ITGA4: variants seen among roughly 807,000 people sequenced by gnomAD.
The protein encoded by ITGA4 is integrin subunit alpha 4, also known as integrin alpha-4.
ITGA4 carries 63 observed loss-of-function variants against 133.6 expected under a neutral mutation model. The ratio of observed to expected loss-of-function variants is 0.47; its 90% confidence interval spans 0.38 to 0.58. The LOEUF is 0.58. Ranked by LOEUF, ITGA4 falls within the 20% of genes least tolerant of loss-of-function variation. ITGA4 has a pLI of 0.00. For synonymous variants in ITGA4, 483 were observed against 438.0 expected (o/e 1.10, Z -1.28); for missense variants, 1,076 against 1,252.7 (o/e 0.86, Z 2.13).
chr2:181,468,332 C>T (rs1685469465), intron 2 of ITGA4, among the ~76,000 whole-genome samples: 1 of 152,180 alleles, frequency 6.6e-6, no homozygotes, highest in African/African-American at 2.4e-5. Context: ...GAAAAGACCT[C>T]TCCAAAGCTT....
chr2:181,538,229 A>C lies in ITGA4; in HGVS notation c.*2702A>C. On this transcript the variant is annotated 3_prime_UTR_variant, in exon 28 of 28. Transcript: ENST00000397033. ...CCATGCTTCCTCCATAAAGACTGAT[A>C]AGTCTTGGATGCAATCTGTAAAGAA... 2.5e-6 allele frequency: 4 copies of C among 1,584,928 alleles called. No homozygotes were observed. The highest frequency in any genetic ancestry group is 2.2e-5 in the East Asian group (1 of 44,710).
At chr2:181,505,403 A>G (rs1419038890) in intron 15 of ITGA4, among the ~76,000 whole-genome samples, 1 of 152,058 alleles carries the variant, frequency 6.6e-6, no homozygotes, top group African/African-American at 2.4e-5. Flanking sequence ...AAAGTCAAGC[A>G]AGAAGACAGA....
At chr2:181,513,371 A>G (rs1466396661) in intron 17 of ITGA4, among the ~76,000 whole-genome samples, 1 of 152,132 alleles carries the variant, frequency 6.6e-6, no homozygotes, top group African/African-American at 2.4e-5. Context: ...TGACATGGAC[A>G]TTAGAAAGTT....
intron 5 of ITGA4, chr2:181,479,480 G>C (rs1264806737): frequency 9.5e-6 from 1 of 105,420 alleles, no homozygotes; most frequent in African/African-American, 3.2e-5. Context: ...CAAAGAAAAT[G>C]CTTTCTTCAG....
At chr2:181,518,574 A>T (rs141435522) in intron 17 of ITGA4, among the ~76,000 whole-genome samples, 1 of 152,222 alleles carries the variant, frequency 6.6e-6, no homozygotes, top group Non-Finnish European at 1.5e-5. Flanking sequence ...GCTCTGTAGC[A>T]AGAGCCTGCA....
intron 10 of ITGA4, among the ~76,000 whole-genome samples, chr2:181,490,164 C>T (rs146509452): frequency 7.9e-5 from 12 of 152,170 alleles, no homozygotes; most frequent in Non-Finnish European, 4.4e-5. Flanking sequence ...CGGGGTCGAT[C>T]TATAACTACC....
At chr2:181,519,256 C>T (rs1686670598) in intron 17 of ITGA4, among the ~76,000 whole-genome samples, 1 of 151,770 alleles carries the variant, frequency 6.6e-6, no homozygotes, top group African/African-American at 2.4e-5. Context: ...AATACAAAAC[C>T]GAACAAAACC....
At chr2:181,504,920 G>A (rs1686362669) in intron 15 of ITGA4, among the ~76,000 whole-genome samples, 2 of 151,662 alleles carry the variant, frequency 1.3e-5, no homozygotes, top group African/African-American at 4.8e-5. Flanking sequence ...AAGCTTACTA[G>A]ATAAAGGGAC....
chr2:181,495,462 G>C lies in ITGA4; in HGVS notation c.1385+46G>C. On this transcript the variant is annotated intron_variant, in intron 13 of 27. Transcript: ENST00000397033. The surrounding 1 kb of genome is among the most constrained non-coding windows in gnomAD (Gnocchi z 4.3). ...TGCTTAATTGCAATTTGGTTTAATT[G>C]TAAAATGATGGGAGGTGGTGTTTAA... is the stretch of plus-strand genomic sequence containing the variant. The C allele has an allele frequency of 4.4e-6, 6 of 1,349,258 alleles. 1 individual carries two copies. In the Middle Eastern group the frequency reaches 7.2e-4, roughly 162 times the overall value. 83.6% of individuals were successfully genotyped at this position (1,349,258 alleles called of 1,614,324 possible).
chr2:181,493,166 T>A (rs776738416), intron 10 of ITGA4, 159 bp from the exon 11 acceptor site: 3 of 576,028 alleles, frequency 5.2e-6, no homozygotes, highest in East Asian at 5.9e-5. Flanking sequence ...CTGTATATGA[T>A]GATGATAGTA....
chr2:181,482,399 T>A lies in ITGA4; in HGVS notation c.880T>A (p.Leu294Ile). 1.9e-6 allele frequency: 3 copies of A among 1,613,100 alleles called. No individual in the cohort carries two copies. The highest frequency in any genetic ancestry group is 2.5e-6 in the Non-Finnish European group (3 of 1,179,392). ...FSIDEKELNI[L>I]HEMKGKKLGS... ...CATTGATGAAAAAGAACTAAATATCTTACATGAAATGAAAGGTAAAAAGGT... is the reference window on the plus strand; with the variant it reads ...CATTGATGAAAAAGAACTAAATATCATACATGAAATGAAAGGTAAAAAGGT... The change falls in exon 8 of 28, where the codon TTA (leucine) becomes ATA (isoleucine). Residue 294 changes from leucine to isoleucine, a missense_variant. Leu to Ile is a conservative substitution (Grantham distance 5). Coordinates refer to ENST00000397033, the MANE Select transcript of ITGA4 (RefSeq NM_000885.6).
intron 23 of ITGA4, 54 bp from the exon 24 acceptor site, chr2:181,530,470 G>T: frequency 1.3e-6 from 2 of 1,531,612 alleles, no homozygotes; most frequent in Admixed American, 1.9e-5. Context: ...GTTGCTTTTT[G>T]CTGTTTTTTC....
At chr2:181,486,707 CT>C (rs1374179899) in intron 10 of ITGA4, among the ~76,000 whole-genome samples, 1 of 152,184 alleles carries the variant, frequency 6.6e-6, no homozygotes, top group Non-Finnish European at 1.5e-5. Context: ...TTTTATCAAT[CT>C]AGTTCTAAGT....
At chr2:181,526,820 C>CTTT in intron 21 of ITGA4, among the ~76,000 whole-genome samples, 2 of 27,876 alleles carry the variant, frequency 7.2e-5, no homozygotes, top group East Asian at 1.0e-3. Context: ...GAGCACATGG[C>CTTT]CTTTTTTTTT....
At chr2:181,534,494 C>A in intron 26 of ITGA4, 124 bp downstream of exon 26, 1 of 674,812 alleles carries the variant, frequency 1.5e-6, no homozygotes. Context: ...CATGGAGGGC[C>A]CCCAATACTT....
chr2:181,485,533 T>G (rs927703768), intron 9 of ITGA4, among the ~76,000 whole-genome samples: 2 of 152,216 alleles, frequency 1.3e-5, no homozygotes, highest in Admixed American at 1.3e-4. Flanking sequence ...ACACACTGCC[T>G]TGCCCCTTTT....
intron 11 of ITGA4, among the ~76,000 whole-genome samples, chr2:181,493,838 T>C (rs1349765250): frequency 2.6e-5 from 4 of 152,230 alleles, no homozygotes; most frequent in Non-Finnish European, 5.9e-5. Flanking sequence ...TTTTCACTGT[T>C]GAGTAGTAAG....
intron 20 of ITGA4, 110 bp downstream of exon 20, chr2:181,524,360 T>C: frequency 1.7e-6 from 1 of 597,510 alleles, no homozygotes. Context: ...AGAAAACTTC[T>C]CTTACGTGGT....
intron 2 of ITGA4, among the ~76,000 whole-genome samples, chr2:181,470,685 C>T (rs1419027819): frequency 1.3e-5 from 2 of 148,270 alleles, no homozygotes; most frequent in African/African-American, 2.6e-5. Flanking sequence ...AGCAGTCTTA[C>T]TTCTTCTACC....
Sources: gnomAD v4.1 joint callset for allele counts (sites outside exome capture counted in the v4.1 genomes callset) on GRCh38, gnomAD v4.1.1 for gene constraint, Gnocchi (gnomAD v3.1) non-coding constraint, MANE v1.5 for transcripts, NCBI Gene and HGNC (gene_info 2026-07-23, HGNC 2026-07-21) for gene names.